PSMB5: variants seen among roughly 807,000 people sequenced by gnomAD.
PSMB5 encodes proteasome subunit beta type-5.
A neutral mutation model predicts 22.8 loss-of-function variants in PSMB5; 2 were observed. The ratio of observed to expected loss-of-function variants is 0.09; its 90% CI spans 0.04 to 0.28. The LOEUF (loss-of-function observed/expected upper bound fraction) is 0.28. PSMB5 is among the 10% of genes least tolerant of loss of function. The pLI is 1.00. For missense variants in PSMB5, 269 were observed against 343.8 expected (o/e 0.78, Z 1.72); for synonymous variants, 133 against 135.3 (o/e 0.98, Z 0.12).
At chr14:23,027,770 C>T (rs1411632465) in intron 2 of PSMB5, 3 of 1,548,272 alleles carry the variant, frequency 1.9e-6, no homozygotes, top group Non-Finnish European at 2.6e-6. Context: ...ATCCTCTCAG[C>T]ACACCCACAA....
intron 2 of PSMB5, chr14:23,027,922 T>C (rs1594712143): frequency 3.8e-6 from 3 of 788,312 alleles, no homozygotes; most frequent in Non-Finnish European, 6.1e-6. Context: ...GGCAGGTGGG[T>C]CACCTGAGGT....
intron 2 of PSMB5, among the ~76,000 whole-genome samples, chr14:23,029,775 G>A (rs533747870): frequency 1.8e-4 from 28 of 151,540 alleles, no homozygotes; most frequent in African/African-American, 4.8e-4. Flanking sequence ...CACCACAGCC[G>A]GCTAATTTTG....
intron 2 of PSMB5, among the ~76,000 whole-genome samples, chr14:23,029,998 G>T (rs1342063402): frequency 6.6e-6 from 1 of 151,826 alleles, no homozygotes; most frequent in Non-Finnish European, 1.5e-5. Context: ...AGCCAGGATG[G>T]TCTCGATCTC....
chr14:23,027,036 C>T (rs2046919289), intron 2 of PSMB5, among the ~76,000 whole-genome samples: 3 of 150,298 alleles, frequency 2.0e-5, no homozygotes, highest in African/African-American at 7.4e-5. Flanking sequence ...AAGCCAAGAT[C>T]GCGCCATTGC....
intron 1 of PSMB5, 81 bp from the exon 2 acceptor site, chr14:23,033,755 C>G (rs911683315): frequency 2.7e-5 from 34 of 1,244,912 alleles, no homozygotes; most frequent in Non-Finnish European, 3.7e-5. Flanking sequence ...TGCATCAATC[C>G]AAACCCAGCA....
intron 2 of PSMB5, chr14:23,027,909 C>T (rs952001505): frequency 6.5e-6 from 7 of 1,072,442 alleles, no homozygotes; most frequent in African/African-American, 3.2e-5. Flanking sequence ...TTTGGGAGGC[C>T]GAGGCAGGTG....
At chr14:23,029,842 C>T (rs1031232677) in intron 2 of PSMB5, among the ~76,000 whole-genome samples, 6 of 151,442 alleles carry the variant, frequency 4.0e-5, no homozygotes, top group African/African-American at 1.5e-4. Context: ...AGTGCAGTGG[C>T]ACGATCTCAG....
intron 2 of PSMB5, among the ~76,000 whole-genome samples, chr14:23,032,034 A>C (rs1469577988): frequency 6.6e-6 from 1 of 152,174 alleles, no homozygotes; most frequent in Non-Finnish European, 1.5e-5. Flanking sequence ...GATTGCAGTG[A>C]GCTGAGATCC....
rs2139924758 is a variant in PSMB5, at chr14:23,034,836, G to A, written c.46C>T (p.Arg16Cys). Residue 16 changes from arginine to cysteine, a missense_variant, in exon 1 of 3, where the codon CGC becomes TGC. Arg to Cys is a radical substitution (Grantham distance 180). Transcript: ENST00000361611. ...VLERPLPVNQ[R>C]GFFGLGGRAD... ...CGACCCCCAAGTCCGAAAAACCCGC[G>A]CTGGTTCACCGGTAGCGGTCTCTCC... is the stretch of plus-strand genomic sequence containing the variant. 1.2e-6 allele frequency: 2 copies of A among 1,614,204 alleles called. No individual in the cohort carries two copies. Among genetic ancestry groups the A allele is most frequent in the Non-Finnish European group, 1.7e-6 (2 of 1,180,034 alleles).
intron 2 of PSMB5, among the ~76,000 whole-genome samples, chr14:23,031,227 C>A (rs1172969695): frequency 6.6e-6 from 1 of 152,196 alleles, no homozygotes; most frequent in Non-Finnish European, 1.5e-5. Context: ...GTTTCCATCA[C>A]CTAGAACAAA....
chr14:23,027,069 T>A (rs147681027), intron 2 of PSMB5, among the ~76,000 whole-genome samples: 2,410 of 93,588 alleles, frequency 0.026, 61 homozygotes, highest in African/African-American at 0.089. Context: ...GCAACAAGAG[T>A]GAAACGCTGT....
chr14:23,030,641 T>A (rs1436802334), intron 2 of PSMB5, among the ~76,000 whole-genome samples: 1 of 152,122 alleles, frequency 6.6e-6, no homozygotes, highest in Non-Finnish European at 1.5e-5. Flanking sequence ...CCTGCATATA[T>A]GAAAAGTTGG....
At chr14:23,028,696 G>A (rs1330539196) in intron 2 of PSMB5, among the ~76,000 whole-genome samples, 3 of 152,106 alleles carry the variant, frequency 2.0e-5, no homozygotes, top group South Asian at 2.1e-4. Context: ...GTGCAACACC[G>A]GCAGAGTTAA....
chr14:23,030,576 C>T (rs1243206003), intron 2 of PSMB5, among the ~76,000 whole-genome samples: 1 of 152,120 alleles, frequency 6.6e-6, no homozygotes, highest in Non-Finnish European at 1.5e-5. Context: ...GTCCCAAGAC[C>T]CCTGCATATA....
chr14:23,032,596 CTTTTTTTTGTTT>C (rs1033257516), intron 2 of PSMB5, among the ~76,000 whole-genome samples: 17 of 151,512 alleles, frequency 1.1e-4, no homozygotes, highest in Middle Eastern at 3.4e-3. Context: ...TCAACGAATT[CTTTTTTTTGTTT>C]TTTTTTTTGA....
chr14:23,032,346 C>T (rs911399558), intron 2 of PSMB5, among the ~76,000 whole-genome samples: 4 of 149,580 alleles, frequency 2.7e-5, no homozygotes, highest in South Asian at 2.1e-4. Context: ...TGGGAGACTG[C>T]GGCAGGAGAA....
Position 23,026,096 on chromosome 14 carries a change from G to A in PSMB5, c.785C>T (p.Thr262Ile). Residue 262 changes from threonine to isoleucine, a missense_variant, in exon 3 of 3, where the codon ACC becomes ATC. Around this residue, in one of 3 missense-constraint regions of PSMB5, gnomAD observed 113 missense variants for 130.2 expected, o/e 0.87. Transcript: ENST00000361611. ...ADLHEKYSGS[T>I]P is the part of the protein sequence containing the mutation. ...AGCTGCATCCACCCTCTTTCAGGGG[G>A]TAGAGCCACTATACTTCTCATGTAG... The A allele has an allele frequency of 6.2e-7, 1 of 1,614,034 alleles. No homozygotes were observed. The highest frequency in any genetic ancestry group is 1.3e-5 in the African/African-American group (1 of 75,020).
rs1391532946 is a variant in PSMB5, at chr14:23,033,606, C to A, written c.267G>T (p.Thr89=). Residue 89 remains threonine (T), a synonymous_variant, in exon 2 of 3, where the codon ACG becomes ACT. Coordinates refer to ENST00000361611, the MANE Select transcript of PSMB5 (RefSeq NM_002797.5). ...GGTTGATCTCTATCACCTTCTTCAC[C>A]GTCTGGGAGGCAATGTAAGCACCCG... is the stretch of plus-strand genomic sequence containing the variant. ...ATAGAYIASQ[T]VKKVIEINPY... The A allele has an allele frequency of 1.2e-6, 2 of 1,613,920 alleles. No individual in the cohort carries two copies. Among genetic ancestry groups the A allele is most frequent in the Non-Finnish European group, 1.7e-6 (2 of 1,179,842 alleles).
Position 23,034,695 on chromosome 14 carries a change from G to C in PSMB5, c.187C>G (p.Leu63Val), listed in dbSNP as rs761264731. The change falls in exon 1 of 3, where the codon CTG (leucine) becomes GTG (valine). Residue 63 changes from leucine (L) to valine (V), a missense_variant. By Grantham distance (32) the Leu-to-Val change is conservative. This residue lies in a region of PSMB5 where 75 missense variants were observed against 143.2 expected (regional missense o/e 0.52). Coordinates refer to ENST00000361611, the MANE Select transcript of PSMB5 (RefSeq NM_002797.5). ...GIEMLHGTTT[L>V]AFKFRHGVIV... Reference sequence around the variant, plus strand: ...GGCTGGCTCCACACCTTGAAGGCCAGGGTGGTTGTTCCATGAAGCATTTCG... The same window carrying C: ...GGCTGGCTCCACACCTTGAAGGCCACGGTGGTTGTTCCATGAAGCATTTCG... 1.2e-6 allele frequency: 2 copies of C among 1,614,020 alleles called. No homozygotes were observed. Among genetic ancestry groups the C allele is most frequent in the African/African-American group, 2.7e-5 (2 of 74,944 alleles).
Sources: allele counts gnomAD v4.1 joint callset (sites outside exome capture counted in the v4.1 genomes callset), GRCh38; gene constraint gnomAD v4.1.1; regional missense constraint gnomAD v4.1.1; transcripts MANE v1.5; gene names NCBI Gene and HGNC (gene_info 2026-07-23, HGNC 2026-07-21).